Variants in RALYL observed in about 807,000 individuals in gnomAD.
RALYL encodes the protein RNA-binding Raly-like protein.
RALYL carries 29 observed loss-of-function variants against 35.1 expected under a neutral mutation model. That is an observed-to-expected ratio of 0.83 (90% CI 0.61 to 1.13). RALYL has a LOEUF of 1.13. Among genes scored for constraint, RALYL ranks in the 50% most tolerant of loss-of-function variants. The probability of loss-of-function intolerance (pLI) is 0.00; values close to 1 mark genes in which losing one functional copy is unlikely to be tolerated. For missense variants in RALYL, 359 were observed against 360.4 expected, an observed-to-expected ratio of 1.00 and a Z score of 0.03; for synonymous variants, 120 against 127.6, an observed-to-expected ratio of 0.94 and a Z score of 0.40.
intron 2 of RALYL, among the ~76,000 whole-genome samples, chr8:84,746,601 A>G (rs1808655969): frequency 6.6e-6 from 1 of 151,974 alleles, no homozygotes; most frequent in African/African-American, 2.4e-5. Flanking sequence ...TGAAATACAT[A>G]TTTTCTCGTA....
chr8:84,432,802 G>A (rs2132720141), intron 1 of RALYL, among the ~76,000 whole-genome samples: 1 of 152,112 alleles, frequency 6.6e-6, no homozygotes, highest in South Asian at 2.1e-4. Context: ...AAGATGACCA[G>A]CCTCCTCCAG....
intron 1 of RALYL, among the ~76,000 whole-genome samples, chr8:84,301,676 G>C (rs556462933): frequency 6.6e-5 from 10 of 151,986 alleles, no homozygotes; most frequent in Non-Finnish European, 1.5e-5. Context: ...GAAAATAATA[G>C]TAAAACTTCC....
intron 2 of RALYL, among the ~76,000 whole-genome samples, chr8:84,543,315 A>G (rs944963306): frequency 6.6e-6 from 1 of 151,906 alleles, no homozygotes; most frequent in African/African-American, 2.4e-5. Flanking sequence ...TTTTCATTAC[A>G]TATTTGATTA....
intron 1 of RALYL, among the ~76,000 whole-genome samples, chr8:84,218,906 G>A (rs1821504990): frequency 6.6e-6 from 1 of 152,030 alleles, no homozygotes; most frequent in East Asian, 1.9e-4. Context: ...TGATGTAGTA[G>A]CCACAATGCC....
intron 1 of RALYL, among the ~76,000 whole-genome samples, chr8:84,416,942 A>G (rs2132287830): frequency 6.6e-6 from 1 of 152,266 alleles, no homozygotes; most frequent in African/African-American, 2.4e-5. Context: ...AGGGAAAATA[A>G]GCTACCAAAT....
chr8:84,537,223 A>C (rs2059676725), intron 2 of RALYL, among the ~76,000 whole-genome samples: 1 of 151,056 alleles, frequency 6.6e-6, no homozygotes. Context: ...TAATCTCAGC[A>C]CTTTGAGAGG....
Position 84,252,385 on chromosome 8 carries a change from A to G in RALYL, c.-24+67961A>G, listed in dbSNP as rs546210719. Among the ~76,000 whole-genome samples, 3 of 152,290 alleles carry G rather than the reference A, an allele frequency of 2.0e-5. No homozygotes were observed. The South Asian group carries it at 6.2e-4, about 32-fold the overall frequency. On this transcript the variant is annotated intron_variant, in intron 1 of 8. Transcript: ENST00000521268. Reference sequence around the variant, plus strand: ...CACAAATTAAATATTAATTAGTTATAAAATTCTCCATAAACTAGAGGTTAA... The same window carrying G: ...CACAAATTAAATATTAATTAGTTATGAAATTCTCCATAAACTAGAGGTTAA...
At chr8:84,848,383 T>G (rs561225555) in intron 4 of RALYL, among the ~76,000 whole-genome samples, 2 of 150,892 alleles carry the variant, frequency 1.3e-5, no homozygotes, top group South Asian at 2.1e-4. Flanking sequence ...TTTAAATATT[T>G]TGTGTGTGTG....
At chr8:84,737,886 G>A (rs943756222) in intron 2 of RALYL, among the ~76,000 whole-genome samples, 2 of 151,940 alleles carry the variant, frequency 1.3e-5, no homozygotes, top group Admixed American at 6.6e-5. Flanking sequence ...ATCATCTGCT[G>A]GCACCTTAAT....
intron 1 of RALYL, among the ~76,000 whole-genome samples, chr8:84,444,219 C>T (rs1297092359): frequency 1.3e-5 from 2 of 151,956 alleles, no homozygotes; most frequent in East Asian, 3.9e-4. Context: ...GTCCTAGATG[C>T]TTGCGAAGCT....
At chr8:84,355,862 T>C (rs1851721864) in intron 1 of RALYL, among the ~76,000 whole-genome samples, 1 of 150,192 alleles carries the variant, frequency 6.7e-6, no homozygotes. Flanking sequence ...TGAATGGTGG[T>C]ATGAAATATA....
At chr8:84,317,313 T>C (rs1843939628) in intron 1 of RALYL, among the ~76,000 whole-genome samples, 1 of 152,156 alleles carries the variant, frequency 6.6e-6, no homozygotes. Context: ...TATTGTACTT[T>C]CAAATTTCTG....
intron 2 of RALYL, among the ~76,000 whole-genome samples, chr8:84,723,003 G>T (rs1224909652): frequency 6.6e-6 from 1 of 151,826 alleles, no homozygotes; most frequent in East Asian, 1.9e-4. Context: ...TTGCTTCACT[G>T]AAGTATATGA....
rs200875231 is a variant in RALYL at position 84,426,440 on chromosome 8, G to C, written c.-23-102859G>C. ...TCTTTTGCGTTCTCTCTCTCTCTCT[G>C]TGTGTGTGTGTGTGTGTGTGTGTGT... On this transcript the variant is annotated intron_variant, in intron 1 of 8. Transcript: ENST00000521268. 6.1e-3 allele frequency among the ~76,000 whole-genome samples: 692 copies of C among 112,810 alleles called. 3 individuals carry two copies. Among genetic ancestry groups the C allele is most frequent in the African/African-American group, 0.019 (544 of 28,744 alleles). The allele number at this position is 112,810 out of a possible 152,430, so 74.0% of individuals were successfully genotyped here.
intron 1 of RALYL, among the ~76,000 whole-genome samples, chr8:84,273,587 C>T (rs897170461): frequency 6.6e-6 from 1 of 152,206 alleles, no homozygotes; most frequent in African/African-American, 2.4e-5. Flanking sequence ...ACCATCTCAG[C>T]CATCTTCAAG....
intron 1 of RALYL, among the ~76,000 whole-genome samples, chr8:84,384,511 A>G (rs1056113796): frequency 4.6e-5 from 7 of 151,778 alleles, no homozygotes; most frequent in Non-Finnish European, 1.0e-4. Flanking sequence ...AACTCTGGAT[A>G]AAGAATAATA....
intron 2 of RALYL, among the ~76,000 whole-genome samples, chr8:84,773,400 C>T (rs1339923561): frequency 6.6e-6 from 1 of 152,142 alleles, no homozygotes; most frequent in Non-Finnish European, 1.5e-5. Context: ...AAAATAATAT[C>T]CCTCATTTCT....
At chr8:84,234,979 G>A (rs1485014888) in intron 1 of RALYL, among the ~76,000 whole-genome samples, 1 of 151,916 alleles carries the variant, frequency 6.6e-6, no homozygotes, top group Non-Finnish European at 1.5e-5. Context: ...TGGCCAGGCT[G>A]GTCTGGAACT....
In RALYL at chr8:84,470,468, G is replaced by GT. The variant is rs35783688; in HGVS notation, c.-23-58819dup. ...GGCCAAGGTGTGACTGATTGTATGG[G>GT]TTTTTTTTTTTTCTGTTGCCAAAAA... On this transcript the variant is annotated intron_variant, in intron 1 of 8. Coordinates refer to ENST00000521268, the MANE Select transcript of RALYL (RefSeq NM_173848.7). Among the ~76,000 whole-genome samples the GT allele has an allele frequency of 2.7e-3, 382 of 142,800 alleles. 3 individuals carry two copies. The highest frequency in any genetic ancestry group is 0.011 in the Middle Eastern group (3 of 274). 93.7% of individuals were successfully genotyped at this position (142,800 alleles called of 152,430 possible).
Sources: gnomAD v4.1 joint callset for allele counts (sites outside exome capture counted in the v4.1 genomes callset) on GRCh38, gnomAD v4.1.1 for gene constraint, MANE v1.5 for transcripts, NCBI Gene and HGNC (gene_info 2026-07-23, HGNC 2026-07-21) for gene names.